GPR161: variants seen among roughly 807,000 people sequenced by gnomAD.
The protein encoded by GPR161 is G-protein coupled receptor RE2.
Under a neutral mutation model 39.2 loss-of-function variants are expected in GPR161, and 25 were observed. The observed-to-expected ratio is 0.64, with a 90% confidence interval of 0.47 to 0.89. The LOEUF (loss-of-function observed/expected upper bound fraction) is 0.89. Among genes scored for constraint, GPR161 ranks in the 40% least tolerant of loss-of-function variants. The pLI is 0.00. For synonymous variants in GPR161, 286 were observed against 276.6 expected (o/e 1.03, Z -0.34); for missense variants, 547 against 677.8 (o/e 0.81, Z 2.14).
chr1:168,098,180 G>A lies in GPR161; in HGVS notation c.375-948C>T, dbSNP rs150161774. Among the ~76,000 whole-genome samples the A allele has an allele frequency of 5.9e-5, 9 of 152,326 alleles. No individual in the cohort carries two copies. The East Asian group carries it at 1.7e-3, about 29-fold the overall frequency. Reference sequence around the variant, plus strand: ...CCCAGGCAGAAAGCTAGCCTGGCGAGGTATGGAGTTGTGAGTGAGCACCAG... The same window carrying A: ...CCCAGGCAGAAAGCTAGCCTGGCGAAGTATGGAGTTGTGAGTGAGCACCAG... On this transcript the variant is annotated intron_variant, in intron 2 of 5. Coordinates refer to ENST00000682931, the MANE Select transcript of GPR161 (RefSeq NM_001375883.1). This position sits in a 1 kb window ranked among gnomAD's most constrained non-coding sequence, Gnocchi z 4.1.
intron 3 of GPR161, among the ~76,000 whole-genome samples, chr1:168,096,133 CAAAAAAAAAAA>C (rs58096092): frequency 3.1e-4 from 14 of 44,736 alleles, no homozygotes; most frequent in African/African-American, 8.8e-4. Context: ...GACCCTGTCT[CAAAAAAAAAAA>C]AAAAAAAAAA....
At chr1:168,137,040 CAGCTCCCGGCG>C, upstream of GPR161, 7 of 864,202 alleles carry the variant, frequency 8.1e-6, no homozygotes, top group Non-Finnish European at 9.7e-6. Context: ...CCGCCCCGCC[CAGCTCCCGGCG>C]CCCCTCCCCA....
chr1:168,091,337 G>A (rs1391482199), intron 3 of GPR161, among the ~76,000 whole-genome samples: 3 of 152,198 alleles, frequency 2.0e-5, no homozygotes, highest in Non-Finnish European at 4.4e-5. Flanking sequence ...CGGCAGAAGC[G>A]ACCCAGTAAA....
chr1:168,136,169 G>T (rs1699347303), intron 1 of GPR161: 1 of 1,267,638 alleles, frequency 7.9e-7, no homozygotes, highest in East Asian at 3.1e-5. Flanking sequence ...ATCCGGCGGC[G>T]CCGGGCCACT....
intron 1 of GPR161, among the ~76,000 whole-genome samples, chr1:168,127,441 G>A (rs761627628): frequency 1.4e-4 from 21 of 151,686 alleles, no homozygotes; most frequent in Non-Finnish European, 2.1e-4. Flanking sequence ...CCAAGATGGC[G>A]CCACTGCACT....
chr1:168,119,227 C>CATATATAT (rs1558129624), intron 1 of GPR161, among the ~76,000 whole-genome samples: 1 of 97,870 alleles, frequency 1.0e-5, no homozygotes, highest in Non-Finnish European at 1.9e-5. Flanking sequence ...TATATATATA[C>CATATATAT]GTATATATAT....
chr1:168,104,009 C>A (rs868816715), intron 2 of GPR161, among the ~76,000 whole-genome samples: 5 of 152,322 alleles, frequency 3.3e-5, no homozygotes, highest in African/African-American at 1.2e-4. Context: ...TGCCTGTATT[C>A]TCTGGCTGTC....
chr1:168,115,090 T>A (rs957612242), intron 1 of GPR161, among the ~76,000 whole-genome samples: 8 of 151,964 alleles, frequency 5.3e-5, no homozygotes, highest in Non-Finnish European at 1.2e-4. Context: ...TAACACTACA[T>A]GGGAGGAGCT....
In GPR161 at chr1:168,111,009, A is replaced by G. The variant is rs1259984608; in HGVS notation, c.-44-6115T>C. On this transcript the variant is annotated intron_variant, in intron 1 of 5. Coordinates refer to ENST00000682931, the MANE Select transcript of GPR161 (RefSeq NM_001375883.1). ...TTAAACAGCAGATTTAGCTAAAAAG[A>G]AAGATGATTAACTGAAAGATGGTTC... Among the ~76,000 whole-genome samples the G allele has an allele frequency of 7.9e-5, 12 of 152,214 alleles. 1 individual carries two copies. The highest frequency in any genetic ancestry group is 7.9e-4 in the Admixed American group (12 of 15,278).
At chr1:168,100,510 C>T (rs1695993237) in intron 2 of GPR161, among the ~76,000 whole-genome samples, 1 of 152,156 alleles carries the variant, frequency 6.6e-6, no homozygotes, top group South Asian at 2.1e-4. Context: ...GACCCTTGAA[C>T]CCTAAAGAGG....
intron 4 of GPR161, chr1:168,089,286 T>G (rs1694835068): frequency 1.3e-5 from 2 of 152,200 alleles, no homozygotes; most frequent in Non-Finnish European, 2.9e-5. Flanking sequence ...TAACAGAGAC[T>G]TTCCTTAAAT....
intron 1 of GPR161, chr1:168,136,078 G>A: frequency 8.0e-7 from 1 of 1,255,644 alleles, no homozygotes; most frequent in African/African-American, 1.5e-5. Flanking sequence ...GGCCCAGAAG[G>A]CGCCGAGGGC....
At chr1:168,087,334 G>GT (rs1558085252) in intron 5 of GPR161, among the ~76,000 whole-genome samples, 62 of 148,772 alleles carry the variant, frequency 4.2e-4, no homozygotes, top group African/African-American at 1.2e-3. Context: ...AACACGTGTG[G>GT]GTGTGTGTGT....
At chr1:168,134,804 C>A in intron 1 of GPR161, 3 of 1,016,084 alleles carry the variant, frequency 3.0e-6, no homozygotes, top group Non-Finnish European at 4.4e-6. Context: ...ACAGGCTTAG[C>A]AGCACACAGC....
At chr1:168,101,614 T>A (rs1696112705) in intron 2 of GPR161, among the ~76,000 whole-genome samples, 1 of 152,160 alleles carries the variant, frequency 6.6e-6, no homozygotes, top group Non-Finnish European at 1.5e-5. Context: ...GGCAAGTTAC[T>A]TAAGGCCTCA....
intron 1 of GPR161, among the ~76,000 whole-genome samples, chr1:168,115,836 C>A (rs367960831): frequency 7.9e-5 from 12 of 151,410 alleles, no homozygotes; most frequent in Admixed American, 2.6e-4. Flanking sequence ...AGTGCAGTGG[C>A]GCGATCTCGG....
rs1558090463 is a variant in GPR161 at position 168,090,687 on chromosome 1, AT to A, written c.1100-20del. The A allele has an allele frequency of 2.1e-6, 3 of 1,453,920 alleles. No homozygotes were observed. The highest frequency in any genetic ancestry group is 3.5e-5 in the Admixed American group (2 of 57,610). 90.1% of individuals were successfully genotyped at this position (1,453,920 alleles called of 1,614,324 possible). On this transcript the variant is annotated intron_variant, in intron 3 of 5. Transcript: ENST00000682931. ...CCCAGGTCTGAAAGACAAAATTGGCATTGACAACACAATCACACTCTGCAAG... is the reference window on the plus strand; with the variant it reads ...CCCAGGTCTGAAAGACAAAATTGGCATGACAACACAATCACACTCTGCAAG...
Position 168,090,643 on chromosome 1 carries a change from A to C in GPR161, c.1125T>G (p.Thr375=), listed in dbSNP as rs774460597. ...ITDLGLSPHL[T]ALMAGGQPLG... is the part of the protein sequence containing the mutation. ...GGGGCTGTCCACCTGCCATGAGCGC[A>C]GTGAGGTGTGGGGACAGGCCCAGGT... Residue 375 remains threonine (T), a synonymous_variant, in exon 4 of 6, where the codon ACT becomes ACG. Transcript: ENST00000682931. 7 of 1,611,238 alleles carry C rather than the reference A, an allele frequency of 4.3e-6. No homozygotes were observed. In the South Asian group the frequency reaches 7.7e-5, roughly 18 times the overall value.
At chr1:168,097,768 C>T (rs1695698628) in intron 2 of GPR161, among the ~76,000 whole-genome samples, 1 of 152,162 alleles carries the variant, frequency 6.6e-6, no homozygotes, top group Non-Finnish European at 1.5e-5. Flanking sequence ...AGTATCAGGG[C>T]CTGGAGTGGT....
Sources: allele counts gnomAD v4.1 joint callset (sites outside exome capture counted in the v4.1 genomes callset), GRCh38; gene constraint gnomAD v4.1.1; non-coding constraint Gnocchi (gnomAD v3.1); transcripts MANE v1.5; gene names NCBI Gene and HGNC (gene_info 2026-07-23, HGNC 2026-07-21).